Variants in CLDN16 observed in about 807,000 individuals in gnomAD.
CLDN16 encodes claudin-16.
In CLDN16, 13 loss-of-function variants were observed where a neutral mutation model predicts 24.6. The ratio of observed to expected loss-of-function variants is 0.53; its 90% CI spans 0.34 to 0.84. The LOEUF (loss-of-function observed/expected upper bound fraction) is 0.84. Among genes scored for constraint, CLDN16 ranks in the 40% least tolerant of loss-of-function variants. CLDN16 has a pLI of 0.01. For missense variants in CLDN16, 298 were observed against 292.7 expected, an observed-to-expected ratio of 1.02 and a Z score of -0.13; for synonymous variants, 116 against 106.7, an observed-to-expected ratio of 1.09 and a Z score of -0.54.
intron 1 of CLDN16, among the ~76,000 whole-genome samples, chr3:190,370,603 A>G (rs1718118657): frequency 6.6e-6 from 1 of 151,940 alleles, no homozygotes; most frequent in Non-Finnish European, 1.5e-5. Flanking sequence ...GCAACCTGCA[A>G]AAAAAGTGTT....
intron 3 of CLDN16, among the ~76,000 whole-genome samples, chr3:190,406,263 A>G (rs887296217): frequency 1.3e-5 from 2 of 152,216 alleles, no homozygotes; most frequent in Non-Finnish European, 2.9e-5. Flanking sequence ...CTCAGATTGT[A>G]TTATAAAGTT....
intron 1 of CLDN16, among the ~76,000 whole-genome samples, chr3:190,342,926 G>A (rs1717470101): frequency 6.6e-6 from 1 of 152,132 alleles, no homozygotes; most frequent in Non-Finnish European, 1.5e-5. Flanking sequence ...TATCACACCA[G>A]AAGTTTAAGC....
At chr3:190,366,267 C>T (rs931127056) in intron 1 of CLDN16, among the ~76,000 whole-genome samples, 2 of 151,950 alleles carry the variant, frequency 1.3e-5, no homozygotes, top group African/African-American at 2.4e-5. Context: ...ACATGTTGCA[C>T]CATCCATGTA....
chr3:190,342,607 T>C (rs185366903), intron 1 of CLDN16, among the ~76,000 whole-genome samples: 20 of 152,246 alleles, frequency 1.3e-4, no homozygotes, highest in Admixed American at 6.5e-4. Flanking sequence ...GGTACTGGCA[T>C]AAAAGAGGCA....
the CLDN16 span, among the ~76,000 whole-genome samples, chr3:190,302,403 C>T: frequency 6.6e-6 from 1 of 152,152 alleles, no homozygotes; most frequent in Non-Finnish European, 1.5e-5. Flanking sequence ...TTATTCATGG[C>T]TGCTGGGTTG....
At chr3:190,350,475 A>C (rs1232855908) in intron 1 of CLDN16, among the ~76,000 whole-genome samples, 2 of 152,110 alleles carry the variant, frequency 1.3e-5, no homozygotes, top group African/African-American at 2.4e-5. Flanking sequence ...AAGAATTGCT[A>C]ATTTTGATTT....
intron 2 of CLDN16, chr3:190,371,035 TATATA>T (rs1718130308): frequency 4.1e-4 from 1 of 2,440 alleles, no homozygotes; most frequent in South Asian, 5.7e-3. Flanking sequence ...TATATATATA[TATATA>T]AAATATATAT....
At chr3:190,370,474 G>A (rs191346656) in intron 1 of CLDN16, among the ~76,000 whole-genome samples, 9 of 151,942 alleles carry the variant, frequency 5.9e-5, no homozygotes, top group African/African-American at 1.4e-4. Context: ...CACTCATTAC[G>A]GCTTGGTTGT....
chr3:190,379,252 A>G (rs1228492111), intron 3 of CLDN16, among the ~76,000 whole-genome samples: 2 of 152,092 alleles, frequency 1.3e-5, no homozygotes, highest in African/African-American at 4.8e-5. Flanking sequence ...TTTTTCTATT[A>G]AAATGATTAG....
the CLDN16 span, among the ~76,000 whole-genome samples, chr3:190,301,344 A>G: frequency 6.6e-6 from 1 of 152,044 alleles, no homozygotes; most frequent in East Asian, 1.9e-4. Flanking sequence ...AAAATACAAA[A>G]ATTAGCCGGG....
chr3:190,307,718 T>C, the CLDN16 span: 1 of 152,834 alleles, frequency 6.5e-6, no homozygotes, highest in African/African-American at 2.4e-5. Flanking sequence ...AGGGCACGCA[T>C]GAAGAATTGA....
At position 190,404,459 on chromosome 3, in the gene CLDN16, T is replaced by G. The variant is rs151046044; in HGVS notation, c.218-303T>G. Among the ~76,000 whole-genome samples, 1,538 of 152,238 alleles carry G rather than the reference T, an allele frequency of 0.01. 25 individuals carry two copies. Among genetic ancestry groups the G allele is most frequent in the African/African-American group, 0.035 (1,470 of 41,540 alleles). On this transcript the variant is annotated intron_variant, in intron 2 of 4. Coordinates refer to ENST00000264734, the MANE Select transcript of CLDN16 (RefSeq NM_006580.4). ...TTTGTGAATGAGACATTTTCCAGAGTAGGAGGCAAAAAGGAAAACATTTAT... is the reference window on the plus strand; with the variant it reads ...TTTGTGAATGAGACATTTTCCAGAGGAGGAGGCAAAAAGGAAAACATTTAT...
chr3:190,350,588 C>A (rs988687738), intron 1 of CLDN16, among the ~76,000 whole-genome samples: 2 of 152,126 alleles, frequency 1.3e-5, no homozygotes, highest in Non-Finnish European at 2.9e-5. Context: ...CAGGAATGTA[C>A]AAGGATGAAT....
At chr3:190,329,527 G>A (rs1717138768) in intron 1 of CLDN16, among the ~76,000 whole-genome samples, 1 of 152,034 alleles carries the variant, frequency 6.6e-6, no homozygotes, top group South Asian at 2.1e-4. Context: ...CTTTCCTGAG[G>A]GATTTTCAAG....
At chr3:190,313,364 G>T in the CLDN16 span, 1 of 316,326 alleles carries the variant, frequency 3.2e-6, no homozygotes, top group Non-Finnish European at 6.0e-6. Context: ...TTTTTACTAA[G>T]GGATTTTCAT....
intron 1 of CLDN16, among the ~76,000 whole-genome samples, chr3:190,349,001 C>T (rs932870095): frequency 6.6e-6 from 1 of 152,170 alleles, no homozygotes; most frequent in Non-Finnish European, 1.5e-5. Flanking sequence ...TAATCTCATT[C>T]TTTTTCATGG....
intron 3 of CLDN16, among the ~76,000 whole-genome samples, chr3:190,377,094 T>A (rs1170838783): frequency 6.6e-6 from 1 of 151,822 alleles, no homozygotes; most frequent in Admixed American, 6.6e-5. Flanking sequence ...AGAGAAAATG[T>A]TACTGGGTTC....
chr3:190,387,379 A>G (rs1718529819), upstream of CLDN16, among the ~76,000 whole-genome samples: 1 of 151,454 alleles, frequency 6.6e-6, no homozygotes, highest in Admixed American at 6.6e-5. Flanking sequence ...TTTCTTCATT[A>G]GACGCGTTTT....
At chr3:190,372,461 G>A (rs1033411591) in intron 2 of CLDN16, among the ~76,000 whole-genome samples, 2 of 151,664 alleles carry the variant, frequency 1.3e-5, no homozygotes, top group Non-Finnish European at 2.9e-5. Flanking sequence ...TGGGAAACAT[G>A]TTGAGACCCC....
Sources: allele counts gnomAD v4.1 joint callset (sites outside exome capture counted in the v4.1 genomes callset), GRCh38; gene constraint gnomAD v4.1.1; transcripts MANE v1.5; gene names NCBI Gene and HGNC (gene_info 2026-07-23, HGNC 2026-07-21).